Variants in PGCKA1 observed in about 807,000 individuals in gnomAD.
The protein encoded by PGCKA1 is PDCD10 and GCKIII kinases associated 1.
At chr4:37,563,472 TC>T in the PGCKA1 span, among the ~76,000 whole-genome samples, 2 of 151,724 alleles carry the variant, frequency 1.3e-5, no homozygotes, top group African/African-American at 4.8e-5. Flanking sequence ...GTGCTCTCTC[TC>T]CTCTTAAGGC....
chr4:37,591,005 G>C, the PGCKA1 span: 1 of 1,599,098 alleles, frequency 6.3e-7, no homozygotes, highest in South Asian at 1.1e-5. Context: ...GATTAGGGGA[G>C]GGGATTTGCA....
chr4:37,579,440 T>C, the PGCKA1 span, among the ~76,000 whole-genome samples: 1 of 152,224 alleles, frequency 6.6e-6, no homozygotes, highest in East Asian at 1.9e-4. Context: ...TAGCATTTCT[T>C]GTAAGATAGA....
the PGCKA1 span, among the ~76,000 whole-genome samples, chr4:37,470,641 C>T: frequency 2.3e-4 from 35 of 152,174 alleles, no homozygotes; most frequent in Non-Finnish European, 4.9e-4. Flanking sequence ...GGCTCAGAAG[C>T]TTCAAAAGTG....
the PGCKA1 span, among the ~76,000 whole-genome samples, chr4:37,556,935 A>G: frequency 6.6e-6 from 1 of 152,272 alleles, no homozygotes; most frequent in African/African-American, 2.4e-5. Flanking sequence ...TTACTGAACA[A>G]TTTAAAGAAA....
chr4:37,478,786 C>A, the PGCKA1 span, among the ~76,000 whole-genome samples: 1 of 152,136 alleles, frequency 6.6e-6, no homozygotes, highest in Admixed American at 6.5e-5. Context: ...CTGCCTCCCC[C>A]CTCTCAATAT....
chr4:37,473,987 A>G, the PGCKA1 span, among the ~76,000 whole-genome samples: 1 of 152,128 alleles, frequency 6.6e-6, no homozygotes, highest in African/African-American at 2.4e-5. Flanking sequence ...CCTTTCTGCT[A>G]TTGTCTCAGC....
the PGCKA1 span, among the ~76,000 whole-genome samples, chr4:37,530,446 C>T: frequency 2.0e-5 from 3 of 151,806 alleles, no homozygotes; most frequent in African/African-American, 4.8e-5. Flanking sequence ...TGGTGGCGCA[C>T]GCCTGTAGTT....
chr4:37,548,458 T>C, the PGCKA1 span, among the ~76,000 whole-genome samples: 41 of 152,260 alleles, frequency 2.7e-4, no homozygotes, highest in African/African-American at 9.4e-4. Flanking sequence ...CATCCAGTTT[T>C]TCTGTGAACT....
the PGCKA1 span, among the ~76,000 whole-genome samples, chr4:37,502,103 A>G: frequency 6.6e-6 from 1 of 152,180 alleles, no homozygotes; most frequent in Non-Finnish European, 1.5e-5. Flanking sequence ...TGAGGGAGAC[A>G]AGGTGTGCTT....
chr4:37,570,745 A>G, the PGCKA1 span, among the ~76,000 whole-genome samples: 1 of 152,066 alleles, frequency 6.6e-6, no homozygotes, highest in East Asian at 1.9e-4. Flanking sequence ...CCTTCCAAAT[A>G]CTCCAACTTC....
the PGCKA1 span, among the ~76,000 whole-genome samples, chr4:37,513,109 AG>A: frequency 8.4e-4 from 37 of 43,982 alleles, 3 homozygotes; most frequent in South Asian, 2.2e-3. Flanking sequence ...AAAGAAAGAA[AG>A]AAAGAAAGAA....
chr4:37,540,672 AG>A, the PGCKA1 span, among the ~76,000 whole-genome samples: 1 of 152,196 alleles, frequency 6.6e-6, no homozygotes, highest in African/African-American at 2.4e-5. Context: ...GATACAGGGA[AG>A]GCCCCCAGCT....
the PGCKA1 span, among the ~76,000 whole-genome samples, chr4:37,565,547 T>G: frequency 6.6e-6 from 1 of 152,136 alleles, no homozygotes; most frequent in Non-Finnish European, 1.5e-5. Context: ...ATTGTCCAAA[T>G]GTACAGTGGG....
the PGCKA1 span, among the ~76,000 whole-genome samples, chr4:37,592,208 CAAAAAAA>C: frequency 1.3e-4 from 12 of 93,382 alleles, no homozygotes; most frequent in African/African-American, 5.0e-4. Flanking sequence ...GACTCCATCT[CAAAAAAA>C]AAAAAAAAAA....
chr4:37,581,457 A>G, the PGCKA1 span, among the ~76,000 whole-genome samples: 1 of 152,088 alleles, frequency 6.6e-6, no homozygotes, highest in Non-Finnish European at 1.5e-5. This position sits in a 1 kb window ranked among gnomAD's most constrained non-coding sequence, Gnocchi z 4.4. Flanking sequence ...TCAGCAGGTG[A>G]TGGGTCTTGC....
chr4:37,475,495 A>G, the PGCKA1 span, among the ~76,000 whole-genome samples: 1 of 152,138 alleles, frequency 6.6e-6, no homozygotes, highest in Non-Finnish European at 1.5e-5. Context: ...ATTCTAGTCT[A>G]TATATCTCAT....
chr4:37,459,126 C>T, the PGCKA1 span, among the ~76,000 whole-genome samples: 22 of 151,976 alleles, frequency 1.4e-4, no homozygotes, highest in African/African-American at 2.9e-4. Context: ...AAGTATTATA[C>T]GGCTCAGAGT....
chr4:37,474,045 T>C, the PGCKA1 span, among the ~76,000 whole-genome samples: 1 of 152,156 alleles, frequency 6.6e-6, no homozygotes, highest in African/African-American at 2.4e-5. Context: ...AAGACTGGCT[T>C]GGACATTGCT....
the PGCKA1 span, among the ~76,000 whole-genome samples, chr4:37,525,407 G>A: frequency 2.6e-5 from 4 of 151,732 alleles, no homozygotes; most frequent in African/African-American, 9.7e-5. Flanking sequence ...GGAAGCATGA[G>A]GTGGGTGAGA....
Sources: allele counts gnomAD v4.1 joint callset (sites outside exome capture counted in the v4.1 genomes callset), GRCh38; gene constraint gnomAD v4.1.1; non-coding constraint Gnocchi (gnomAD v3.1); transcripts MANE v1.5; gene names NCBI Gene and HGNC (gene_info 2026-07-23, HGNC 2026-07-21).